The following HAT1 variants were observed in gnomAD, a reference collection of about 807,000 sequenced individuals.
HAT1 encodes the protein histone acetyltransferase 1.
Under a neutral mutation model 56.6 loss-of-function variants are expected in HAT1, and 20 were observed. That is an observed-to-expected ratio of 0.35 (90% CI 0.25 to 0.51). The LOEUF (loss-of-function observed/expected upper bound fraction) is 0.51. Among genes scored for constraint, HAT1 ranks in the 20% least tolerant of loss-of-function variants. HAT1 has a pLI of 0.95. For synonymous variants in HAT1, 146 were observed against 165.5 expected (o/e 0.88, Z 0.91); for missense variants, 408 against 504.3 (o/e 0.81, Z 1.83).
At chr2:171,940,415 T>G (rs185227053) in intron 2 of HAT1, among the ~76,000 whole-genome samples, 11 of 152,198 alleles carry the variant, frequency 7.2e-5, no homozygotes, top group African/African-American at 2.7e-4. Flanking sequence ...CTTCTAGTTA[T>G]GGTATGAGCC....
In HAT1 at chr2:171,942,467, G is replaced by A. The variant is rs7570796; in HGVS notation, c.113-4241G>A. Reference sequence around the variant, plus strand: ...AATCGAGGTTACCGTATCATGTTCTGTTCACTTAACTCTGCATTGTGAACA... The same window carrying A: ...AATCGAGGTTACCGTATCATGTTCTATTCACTTAACTCTGCATTGTGAACA... On this transcript the variant is annotated intron_variant, in intron 2 of 10. Transcript: ENST00000264108. Among the ~76,000 whole-genome samples the A allele has an allele frequency of 5.8e-3, 884 of 151,932 alleles. 7 individuals carry two copies. The highest frequency in any genetic ancestry group is 0.02 in the African/African-American group (845 of 41,432).
intron 2 of HAT1, among the ~76,000 whole-genome samples, chr2:171,936,015 C>T (rs1686864191): frequency 6.6e-6 from 1 of 152,092 alleles, no homozygotes; most frequent in Non-Finnish European, 1.5e-5. Flanking sequence ...TAAATAAAGG[C>T]TAGGGCACAT....
At chr2:171,983,159 C>T (rs1688175168) in intron 10 of HAT1, 26 bp from the exon 11 acceptor site, 1 of 1,415,556 alleles carries the variant, frequency 7.1e-7, no homozygotes, top group African/African-American at 1.4e-5. Context: ...CTTTCTTCGT[C>T]TAACAAATAA....
intron 8 of HAT1, among the ~76,000 whole-genome samples, chr2:171,973,398 T>C (rs1687867297): frequency 1.9e-5 from 1 of 52,770 alleles, no homozygotes; most frequent in Admixed American, 2.8e-4. Flanking sequence ...CACCAATTTC[T>C]GCAAAAAAAA....
intron 3 of HAT1, among the ~76,000 whole-genome samples, chr2:171,951,959 A>G (rs1687319381): frequency 6.6e-6 from 1 of 152,080 alleles, no homozygotes; most frequent in East Asian, 1.9e-4. Flanking sequence ...AGTGCTCCGT[A>G]TTTTCGTAGC....
intron 9 of HAT1, among the ~76,000 whole-genome samples, chr2:171,976,873 A>G (rs909392318): frequency 6.6e-6 from 1 of 152,170 alleles, no homozygotes; most frequent in Non-Finnish European, 1.5e-5. Context: ...TAGGATTTGG[A>G]TTATGAAAGT....
At chr2:171,983,099 T>G in intron 10 of HAT1, 86 bp from the exon 11 acceptor site, 2 of 779,726 alleles carry the variant, frequency 2.6e-6, no homozygotes, top group Non-Finnish European at 4.0e-6. Context: ...ACTATTCTTA[T>G]TTTTAACATT....
chr2:171,961,481 C>G (rs1399822621), intron 4 of HAT1, among the ~76,000 whole-genome samples: 6 of 152,108 alleles, frequency 3.9e-5, no homozygotes, highest in Non-Finnish European at 8.8e-5. Context: ...TTATTTTATC[C>G]TAGTGTCCCA....
intron 4 of HAT1, among the ~76,000 whole-genome samples, chr2:171,961,321 C>T (rs772604571): frequency 1.3e-5 from 2 of 152,016 alleles, no homozygotes; most frequent in Non-Finnish European, 2.9e-5. Flanking sequence ...CAAAAACCTC[C>T]TGCCTTTTCT....
At chr2:171,942,399 A>AT (rs988193317) in intron 2 of HAT1, among the ~76,000 whole-genome samples, 1 of 152,022 alleles carries the variant, frequency 6.6e-6, no homozygotes, top group African/African-American at 2.4e-5. Context: ...TTCTTCTAGT[A>AT]TTTTTTTATT....
chr2:171,938,409 G>A (rs939123336), intron 2 of HAT1, among the ~76,000 whole-genome samples: 3 of 152,098 alleles, frequency 2.0e-5, no homozygotes, highest in Non-Finnish European at 4.4e-5. Flanking sequence ...TGATTCAAGC[G>A]CATTACATTC....
chr2:171,959,610 C>T (rs1474095569), intron 4 of HAT1, among the ~76,000 whole-genome samples: 2 of 152,116 alleles, frequency 1.3e-5, no homozygotes, highest in South Asian at 2.1e-4. Flanking sequence ...CAAACAAAGA[C>T]TTTTTTCCCC....
chr2:171,973,114 C>G (rs528998514), intron 8 of HAT1, among the ~76,000 whole-genome samples: 1 of 152,086 alleles, frequency 6.6e-6, no homozygotes, highest in Non-Finnish European at 1.5e-5. Context: ...TCACTTGCAG[C>G]CTCCATTCTC....
intron 2 of HAT1, among the ~76,000 whole-genome samples, chr2:171,936,867 T>C (rs1174629455): frequency 6.6e-6 from 1 of 152,242 alleles, no homozygotes; most frequent in African/African-American, 2.4e-5. Context: ...AATTAGATAC[T>C]ATACCCCGTG....
chr2:171,944,154 A>C (rs1687099191), intron 2 of HAT1, among the ~76,000 whole-genome samples: 1 of 152,234 alleles, frequency 6.6e-6, no homozygotes, highest in East Asian at 1.9e-4. Context: ...AAAAAAAAAA[A>C]AAAATACTTA....
chr2:171,981,260 A>G (rs1688127391), intron 10 of HAT1, among the ~76,000 whole-genome samples: 1 of 152,140 alleles, frequency 6.6e-6, no homozygotes, highest in Non-Finnish European at 1.5e-5. Context: ...TATTGAGTAC[A>G]GTTGCTCAAT....
chr2:171,926,079 T>TCTTCTTTC (rs1291850614), intron 2 of HAT1, among the ~76,000 whole-genome samples: 19 of 152,252 alleles, frequency 1.2e-4, no homozygotes, highest in African/African-American at 4.3e-4. Context: ...TCCTTCCTTC[T>TCTTCTTTC]CTTCTTTCAT....
intron 2 of HAT1, among the ~76,000 whole-genome samples, chr2:171,928,835 G>T (rs1441250125): frequency 1.3e-5 from 2 of 152,118 alleles, no homozygotes; most frequent in Non-Finnish European, 2.9e-5. Flanking sequence ...GCTGAATACT[G>T]TTCTGTTGTT....
chr2:171,976,713 A>T (rs538553531), intron 9 of HAT1, among the ~76,000 whole-genome samples: 6 of 152,318 alleles, frequency 3.9e-5, no homozygotes, highest in African/African-American at 1.4e-4. Flanking sequence ...ATATTTATTT[A>T]AATTTTAAAG....
Sources: gnomAD v4.1 joint callset for allele counts (sites outside exome capture counted in the v4.1 genomes callset) on GRCh38, gnomAD v4.1.1 for gene constraint, MANE v1.5 for transcripts, NCBI Gene and HGNC (gene_info 2026-07-23, HGNC 2026-07-21) for gene names.